Variants in MAML3 observed in about 807,000 individuals in gnomAD.
MAML3 encodes the protein mastermind-like protein 3.
In MAML3, 27 loss-of-function variants were observed where a neutral mutation model predicts 101.9. That is an observed-to-expected ratio of 0.27 (90% confidence interval 0.20 to 0.37). MAML3 has a LOEUF of 0.37. MAML3 is among the 10% of genes least tolerant of loss of function. The pLI is 1.00. For missense variants in MAML3, 1,316 were observed against 1,444.9 expected (o/e 0.91, Z 1.45); for synonymous variants, 501 against 555.9 (o/e 0.90, Z 1.39).
intron 1 of MAML3, among the ~76,000 whole-genome samples, chr4:140,046,139 G>T (rs1401234837): frequency 1.3e-5 from 2 of 152,194 alleles, no homozygotes; most frequent in East Asian, 3.8e-4. Flanking sequence ...TGGCTCTTGT[G>T]TGGTTAGATG....
At chr4:140,107,591 G>A (rs1205938342) in intron 1 of MAML3, among the ~76,000 whole-genome samples, 1 of 149,324 alleles carries the variant, frequency 6.7e-6, no homozygotes, top group East Asian at 2.0e-4. Flanking sequence ...TGCAACCTCC[G>A]CCTCTCGAGT....
intron 1 of MAML3, among the ~76,000 whole-genome samples, chr4:140,143,025 G>T (rs1159899076): frequency 3.9e-5 from 6 of 152,170 alleles, no homozygotes; most frequent in Non-Finnish European, 8.8e-5. Flanking sequence ...AATGAATTTT[G>T]TTACAGAAAG....
Position 139,978,619 on chromosome 4 carries a change from A to AG in MAML3, c.469-87653_469-87652insC, listed in dbSNP as rs1402052570. ...CCCAGCATCAACCACATCAAAAAAA[A>AG]AGAGAGAGAGAGAGAGCACACAACT... On this transcript the variant is annotated intron_variant, in intron 1 of 4. Transcript: ENST00000509479. 4.6e-5 allele frequency among the ~76,000 whole-genome samples: 7 copies of AG among 150,836 alleles called. 1 individual carries two copies. Among genetic ancestry groups the AG allele is most frequent in the African/African-American group, 1.7e-4 (7 of 41,102 alleles).
At chr4:139,780,073 C>T (rs871304) in intron 2 of MAML3, among the ~76,000 whole-genome samples, 2,888 of 152,260 alleles carry the variant, frequency 0.019, 80 homozygotes, top group African/African-American at 0.066. Context: ...CCATGCTGTC[C>T]GAGGCGGTAC....
chr4:139,847,584 C>T (rs1178041685), intron 2 of MAML3, among the ~76,000 whole-genome samples: 1 of 152,170 alleles, frequency 6.6e-6, no homozygotes, highest in Non-Finnish European at 1.5e-5. Context: ...AACAAAGTGC[C>T]ATTGCTAGCA....
intron 1 of MAML3, among the ~76,000 whole-genome samples, chr4:140,093,590 T>A (rs76430859): frequency 1.5e-3 from 232 of 151,600 alleles, no homozygotes; most frequent in African/African-American, 5.0e-3. Flanking sequence ...CTAATTTTTT[T>A]TAATTTTTTT....
At chr4:140,072,196 C>T (rs1433639100) in intron 1 of MAML3, among the ~76,000 whole-genome samples, 1 of 152,154 alleles carries the variant, frequency 6.6e-6, no homozygotes, top group Admixed American at 6.5e-5. Flanking sequence ...ATGGATTCTG[C>T]ATCTGTGGAT....
chr4:140,061,759 G>T (rs1038911851), intron 1 of MAML3, among the ~76,000 whole-genome samples: 1 of 152,168 alleles, frequency 6.6e-6, no homozygotes, highest in Non-Finnish European at 1.5e-5. Context: ...ACTTCATTTG[G>T]TGTTGGCAGA....
intron 1 of MAML3, among the ~76,000 whole-genome samples, chr4:139,914,779 CCTT>C (rs1260527812): frequency 8.5e-5 from 13 of 152,198 alleles, no homozygotes; most frequent in African/African-American, 2.7e-4. Flanking sequence ...ATCTTTCCCT[CCTT>C]GTCTTTTTCC....
chr4:139,783,122 A>G (rs1730246118), intron 2 of MAML3, among the ~76,000 whole-genome samples: 1 of 152,190 alleles, frequency 6.6e-6, no homozygotes, highest in African/African-American at 2.4e-5. Context: ...CGCTAAGTAC[A>G]GGGGCCTTAA....
intron 2 of MAML3, among the ~76,000 whole-genome samples, chr4:139,827,950 C>T (rs1308235750): frequency 6.6e-6 from 1 of 152,166 alleles, no homozygotes; most frequent in Non-Finnish European, 1.5e-5. Flanking sequence ...GGTGTGTCAA[C>T]TCTTGAAAAA....
At chr4:139,900,055 C>A (rs539847023) in intron 1 of MAML3, among the ~76,000 whole-genome samples, 2 of 69,700 alleles carry the variant, frequency 2.9e-5, no homozygotes, top group South Asian at 7.3e-4. Flanking sequence ...GGGGGCACCG[C>A]GGAGCCCCCA....
At position 140,052,620 on chromosome 4, in the gene MAML3, TA is replaced by T. The variant is rs564377938; in HGVS notation, c.468+100239del. 2.2e-4 allele frequency among the ~76,000 whole-genome samples: 33 copies of T among 151,406 alleles called. No individual in the cohort carries two copies. The South Asian group carries it at 6.7e-3, about 31-fold the overall frequency. Reference sequence around the variant, plus strand: ...TGTGATCTTGGCTCACTATAACCTCTACCTCCTAGGTTCGAGTGATTCTCCT... The same window carrying T: ...TGTGATCTTGGCTCACTATAACCTCTCCTCCTAGGTTCGAGTGATTCTCCT... On this transcript the variant is annotated intron_variant, in intron 1 of 4. Transcript: ENST00000509479.
At chr4:139,862,853 A>C (rs1731811353) in intron 2 of MAML3, among the ~76,000 whole-genome samples, 1 of 152,176 alleles carries the variant, frequency 6.6e-6, no homozygotes, top group Non-Finnish European at 1.5e-5. Context: ...GCTGGATTTG[A>C]ACCTTGGCTC....
chr4:139,945,576 G>A (rs1470179329), intron 1 of MAML3, among the ~76,000 whole-genome samples: 2 of 151,988 alleles, frequency 1.3e-5, no homozygotes, highest in African/African-American at 2.4e-5. Flanking sequence ...TAAAGTCAAA[G>A]GTTTAATTGC....
rs142690618 is a variant in MAML3, at chr4:139,864,106, C to T, written c.2079+25251G>A. On this transcript the variant is annotated intron_variant, in intron 2 of 4. Coordinates refer to ENST00000509479, the MANE Select transcript of MAML3 (RefSeq NM_018717.5). Reference sequence around the variant, plus strand: ...TTCACCATAGGTGTCAATGACATCACTATTGTAGCAATTTCAGACATGAAC... The same window carrying T: ...TTCACCATAGGTGTCAATGACATCATTATTGTAGCAATTTCAGACATGAAC... 7.3e-3 allele frequency among the ~76,000 whole-genome samples: 1,117 copies of T among 152,258 alleles called. 12 individuals are homozygous for T. The highest frequency in any genetic ancestry group is 0.02 in the African/African-American group (839 of 41,552).
At chr4:140,083,342 A>G (rs924549036) in intron 1 of MAML3, among the ~76,000 whole-genome samples, 5 of 152,226 alleles carry the variant, frequency 3.3e-5, no homozygotes, top group Admixed American at 1.3e-4. Flanking sequence ...TATAACTAAT[A>G]CATGGTTGCT....
chr4:139,926,050 C>A (rs556160816), intron 1 of MAML3, among the ~76,000 whole-genome samples: 1 of 152,246 alleles, frequency 6.6e-6, no homozygotes, highest in African/African-American at 2.4e-5. Flanking sequence ...CTGCATCTTG[C>A]CCTCAACAGA....
intron 1 of MAML3, among the ~76,000 whole-genome samples, chr4:140,125,452 C>CA (rs1728668504): frequency 6.6e-6 from 1 of 151,960 alleles, no homozygotes; most frequent in Non-Finnish European, 1.5e-5. Flanking sequence ...AAAGTAATTT[C>CA]AAAAAAATAA....
Sources: gnomAD v4.1 joint callset for allele counts (sites outside exome capture counted in the v4.1 genomes callset) on GRCh38, gnomAD v4.1.1 for gene constraint, MANE v1.5 for transcripts, NCBI Gene and HGNC (gene_info 2026-07-23, HGNC 2026-07-21) for gene names.